The following ENDOD1 variants were observed in gnomAD, a reference collection of about 807,000 sequenced individuals.
ENDOD1 encodes the protein endonuclease domain-containing 1 protein.
A neutral mutation model predicts 6.5 loss-of-function variants in ENDOD1; 9 were observed. That is an observed-to-expected ratio of 1.39 (90% CI 0.84 to 2.43). The LOEUF is 2.43. Ranked by LOEUF, ENDOD1 falls within the 30% of genes most tolerant of loss-of-function variation. The probability of loss-of-function intolerance (pLI) is 0.00; values close to 1 mark genes in which losing one functional copy is unlikely to be tolerated. For missense variants in ENDOD1, 648 were observed against 635.5 expected, an observed-to-expected ratio of 1.02 and a Z score of -0.21; for synonymous variants, 255 against 255.2, an observed-to-expected ratio of 1.00 and a Z score of 0.01.
At chr11:95,093,081 C>G (rs1485777246) in intron 1 of ENDOD1, among the ~76,000 whole-genome samples, 1 of 152,162 alleles carries the variant, frequency 6.6e-6, no homozygotes, top group Non-Finnish European at 1.5e-5. Context: ...AAAAGAATCT[C>G]CTAAGTCAAA....
chr11:95,102,336 TATC>T (rs202079879), intron 1 of ENDOD1, among the ~76,000 whole-genome samples: 2,402 of 148,482 alleles, frequency 0.016, 65 homozygotes, highest in African/African-American at 0.057. Context: ...ATTTATTACA[TATC>T]ATCGTGAAGC....
At chr11:95,127,674 C>T (rs902328750) in intron 1 of ENDOD1, among the ~76,000 whole-genome samples, 2 of 152,144 alleles carry the variant, frequency 1.3e-5, no homozygotes, top group Non-Finnish European at 2.9e-5. Context: ...TTGAGATCTA[C>T]TCTCCCCTTG....
intron 1 of ENDOD1, among the ~76,000 whole-genome samples, chr11:95,104,405 T>A (rs139665132): frequency 0.014 from 2,060 of 144,600 alleles, 42 homozygotes; most frequent in African/African-American, 0.05. Flanking sequence ...TGAGGTCGCA[T>A]CACTGCACTC....
At chr11:95,100,072 C>T (rs1555110691) in intron 1 of ENDOD1, among the ~76,000 whole-genome samples, 1 of 152,174 alleles carries the variant, frequency 6.6e-6, no homozygotes, top group Non-Finnish European at 1.5e-5. Flanking sequence ...TATCTAGAGC[C>T]ATAGTATCCA....
chr11:95,125,085 T>A (rs1859298877), intron 1 of ENDOD1, among the ~76,000 whole-genome samples: 1 of 152,156 alleles, frequency 6.6e-6, no homozygotes, highest in Non-Finnish European at 1.5e-5. Flanking sequence ...CTCATTTTTT[T>A]AGGCCTTCCA....
intron 1 of ENDOD1, among the ~76,000 whole-genome samples, chr11:95,108,970 G>A (rs1351345135): frequency 6.6e-6 from 1 of 152,218 alleles, no homozygotes; most frequent in Non-Finnish European, 1.5e-5. Context: ...TGACCCACCT[G>A]ATGATGGCAG....
At chr11:95,120,691 A>G (rs1565448282) in intron 1 of ENDOD1, among the ~76,000 whole-genome samples, 1 of 152,160 alleles carries the variant, frequency 6.6e-6, no homozygotes, top group East Asian at 1.9e-4. Flanking sequence ...GGTAGGTCAC[A>G]TGCCCTCTAG....
chr11:95,091,373 A>G (rs782734972), intron 1 of ENDOD1, among the ~76,000 whole-genome samples: 2 of 152,194 alleles, frequency 1.3e-5, no homozygotes, highest in Non-Finnish European at 2.9e-5. Flanking sequence ...CAGGTCTCAA[A>G]CAATCTGCAC....
intron 1 of ENDOD1, among the ~76,000 whole-genome samples, chr11:95,094,463 A>G (rs1858964759): frequency 6.6e-6 from 1 of 152,188 alleles, no homozygotes; most frequent in African/African-American, 2.4e-5. Context: ...TCATAGGACA[A>G]GTGGGAGCAC....
At chr11:95,126,038 C>A (rs139749811) in intron 1 of ENDOD1, among the ~76,000 whole-genome samples, 2 of 152,180 alleles carry the variant, frequency 1.3e-5, no homozygotes, top group African/African-American at 4.8e-5. Context: ...CTCTATCCTA[C>A]AAGGGATGTG....
chr11:95,103,803 A>G (rs977675448), intron 1 of ENDOD1, among the ~76,000 whole-genome samples: 4 of 152,216 alleles, frequency 2.6e-5, no homozygotes, highest in African/African-American at 9.7e-5. Flanking sequence ...CAGGGAGACA[A>G]TGTGTGCAAA....
At chr11:95,107,565 C>T (rs1859101728) in intron 1 of ENDOD1, among the ~76,000 whole-genome samples, 1 of 152,114 alleles carries the variant, frequency 6.6e-6, no homozygotes, top group Non-Finnish European at 1.5e-5. Context: ...GGAAAACAGG[C>T]TTCTGTGAGT....
At chr11:95,094,201 T>C (rs1214441687) in intron 1 of ENDOD1, among the ~76,000 whole-genome samples, 2 of 150,734 alleles carry the variant, frequency 1.3e-5, no homozygotes, top group African/African-American at 2.4e-5. Flanking sequence ...TGTATATTTG[T>C]TCAATCTTAA....
chr11:95,090,433 G>A (rs1555109771), intron 1 of ENDOD1, among the ~76,000 whole-genome samples: 1 of 151,472 alleles, frequency 6.6e-6, no homozygotes, highest in Non-Finnish European at 1.5e-5. Flanking sequence ...TACAATAAGA[G>A]CCTGGCGATC....
At chr11:95,091,109 C>T (rs1858926900) in intron 1 of ENDOD1, among the ~76,000 whole-genome samples, 1 of 152,160 alleles carries the variant, frequency 6.6e-6, no homozygotes, top group Non-Finnish European at 1.5e-5. Flanking sequence ...TCCGAACCTG[C>T]TGGCCTGCTC....
At chr11:95,124,500 A>G (rs1187644296) in intron 1 of ENDOD1, among the ~76,000 whole-genome samples, 1 of 152,172 alleles carries the variant, frequency 6.6e-6, no homozygotes, top group Non-Finnish European at 1.5e-5. Flanking sequence ...AAACATGGAT[A>G]TGAGGTTCTG....
At chr11:95,111,682 G>A (rs372980003) in intron 1 of ENDOD1, among the ~76,000 whole-genome samples, 3 of 152,238 alleles carry the variant, frequency 2.0e-5, no homozygotes, top group Middle Eastern at 3.4e-3. Flanking sequence ...GAGCTTAGAC[G>A]GTGATGCAAG....
chr11:95,129,439 A>G lies in ENDOD1; in HGVS notation c.1363A>G (p.Ile455Val), dbSNP rs767235749. 1.2e-6 allele frequency: 2 copies of G among 1,614,070 alleles called. No individual in the cohort carries two copies. Among genetic ancestry groups the G allele is most frequent in the East Asian group, 2.2e-5 (1 of 44,892 alleles). ...MGAIPIVCKD[I>V]ALGLGGTVSL... ...CGCTATTCCAATTGTTTGCAAGGAC[A>G]TTGCACTGGGCCTTGGTGGCACTGT... The change falls in exon 2 of 2, where the codon ATT becomes GTT. Residue 455 changes from isoleucine to valine, a missense_variant. Physicochemically the swap from Ile to Val is conservative, Grantham distance 29 (BLOSUM62 3). Transcript: ENST00000278505.
rs1341209454 is a variant in ENDOD1, at chr11:95,090,362, C to A, written c.300+135C>A. ...GCCTTCGGTGCCTTGGGCCAAGAAA[C>A]CCGGGTTCCAGGTCCACCCTGTTGC... On this transcript the variant is annotated intron_variant, in intron 1 of 1. Transcript: ENST00000278505. 4 of 1,224,450 alleles carry A rather than the reference C, an allele frequency of 3.3e-6. No individual in the cohort carries two copies. In the East Asian group the frequency reaches 9.5e-5, roughly 29 times the overall value. The allele number at this position is 1,224,450 out of a possible 1,614,324, so 75.8% of individuals were successfully genotyped here.
Sources: gnomAD v4.1 joint callset for allele counts (sites outside exome capture counted in the v4.1 genomes callset) on GRCh38, gnomAD v4.1.1 for gene constraint, MANE v1.5 for transcripts, NCBI Gene and HGNC (gene_info 2026-07-23, HGNC 2026-07-21) for gene names.